Variants in RNF31 observed in about 807,000 individuals in gnomAD.
The protein encoded by RNF31 is ring finger protein 31, also known as E3 ubiquitin-protein ligase RNF31.
A neutral mutation model predicts 133.6 loss-of-function variants in RNF31; 38 were observed. The observed-to-expected ratio is 0.28, with a 90% CI of 0.22 to 0.37. The LOEUF is 0.37. Among genes scored for constraint, RNF31 ranks in the 10% least tolerant of loss-of-function variants. RNF31 has a pLI of 1.00. For synonymous variants in RNF31, 582 were observed against 552.3 expected (o/e 1.05, Z -0.75); for missense variants, 1,118 against 1,394.1 (o/e 0.80, Z 3.15).
intron 15 of RNF31, 51 bp downstream of exon 15, chr14:24,157,455 A>C: frequency 1.2e-6 from 2 of 1,602,916 alleles, no homozygotes; most frequent in Non-Finnish European, 1.7e-6. Context: ...CATTGCCAGC[A>C]GCTCTCTTCC....
intron 16 of RNF31, 56 bp from the exon 17 acceptor site, chr14:24,157,842 G>A: frequency 6.8e-7 from 1 of 1,460,156 alleles, no homozygotes; most frequent in Non-Finnish European, 9.6e-7. Context: ...GGGTTCCTGA[G>A]AGGCCAGGAC....
Position 24,151,571 on chromosome 14 carries a change from C to T in RNF31, c.1824C>T (p.Ala608=). 6.2e-7 allele frequency: 1 copy of T among 1,614,138 alleles called. No homozygotes were observed. The highest frequency in any genetic ancestry group is 2.2e-5 in the East Asian group (1 of 44,876). Residue 608 remains alanine, a synonymous_variant, in exon 10 of 21, where the codon GCC becomes GCT. Coordinates refer to ENST00000324103, the MANE Select transcript of RNF31 (RefSeq NM_017999.5). This position sits in a 1 kb window ranked among gnomAD's most constrained non-coding sequence, Gnocchi z 5.3. ...LFQHGGDVSR[A]LTELQRQRLE... ...AGCACGGAGGTGATGTGTCACGGGC[C>T]CTGACTGAGCTACAGCGCCAACGCC...
At chr14:24,154,622 A>G (rs2038315808) in intron 11 of RNF31, among the ~76,000 whole-genome samples, 1 of 152,190 alleles carries the variant, frequency 6.6e-6, no homozygotes, top group Non-Finnish European at 1.5e-5. Context: ...TATCAAGACC[A>G]AGAAATAAGA....
rs199946359 is a variant in RNF31, at chr14:24,150,300, C to G, written c.1049C>G (p.Ala350Gly). The G allele has an allele frequency of 5.0e-6, 8 of 1,614,092 alleles. No homozygotes were observed. The highest frequency in any genetic ancestry group is 1.1e-5 in the South Asian group (1 of 91,086). The change falls in exon 7 of 21, where the codon GCA becomes GGA. Residue 350 changes from alanine to glycine, a missense_variant. Physicochemically the swap from Ala to Gly is moderately conservative, Grantham distance 60. Around this residue, in one of 3 missense-constraint regions of RNF31, gnomAD observed 747 missense variants for 827.9 expected, o/e 0.90. Coordinates refer to ENST00000324103, the MANE Select transcript of RNF31 (RefSeq NM_017999.5). ...QGTGGLEPDL[A>G]RGRWACQSCT... Reference sequence around the variant, plus strand: ...ACTGGAGGCCTAGAACCTGATCTTGCACGGGGTCGGTGGGCCTGCCAGAGC... The same window carrying G: ...ACTGGAGGCCTAGAACCTGATCTTGGACGGGGTCGGTGGGCCTGCCAGAGC...
chr14:24,160,397 G>T lies in RNF31; in HGVS notation c.3155G>T (p.Arg1052Leu), dbSNP rs758763901. ...GAGGATCCCCCTGCTTACCAGGCCCGCTTGTTACAGGTATAGCCTCCACCC... is the reference window on the plus strand; with the variant it reads ...GAGGATCCCCCTGCTTACCAGGCCCTCTTGTTACAGGTATAGCCTCCACCC... ...AGEDPPAYQARLLQKLTEEVP... is the reference protein window; with the variant it reads ...AGEDPPAYQALLLQKLTEEVP... Residue 1052 changes from arginine to leucine, a missense_variant, in exon 20 of 21, where the codon CGC (arginine) becomes CTC (leucine). By Grantham distance (102) the Arg-to-Leu change is moderately radical (BLOSUM62 -2). Coordinates refer to ENST00000324103, the MANE Select transcript of RNF31 (RefSeq NM_017999.5). This position sits in a 1 kb window ranked among gnomAD's most constrained non-coding sequence, Gnocchi z 4.0. 6.2e-7 allele frequency: 1 copy of T among 1,613,876 alleles called. No individual in the cohort carries two copies. Among genetic ancestry groups the T allele is most frequent in the Non-Finnish European group, 8.5e-7 (1 of 1,179,938 alleles).
rs115800682 is a variant in RNF31 at position 24,149,925 on chromosome 14, A to G, written c.810-136A>G. The G allele has an allele frequency of 1.6e-3, 1,631 of 1,043,616 alleles. 14 individuals carry two copies. The African/African-American group carries it at 0.023, about 15-fold the overall frequency. 64.6% of individuals were successfully genotyped at this position (1,043,616 alleles called of 1,614,324 possible). ...TAAATGTTGCATAAGCTATGGGTATAGGAGTATTCGAGACAGACAATGTGT... is the reference window on the plus strand; with the variant it reads ...TAAATGTTGCATAAGCTATGGGTATGGGAGTATTCGAGACAGACAATGTGT... On this transcript the variant is annotated intron_variant, in intron 6 of 20. Transcript: ENST00000324103.
rs72658754 is a variant in RNF31, at chr14:24,159,240, G to A, written c.2900-624G>A. Among the ~76,000 whole-genome samples the A allele has an allele frequency of 8.8e-3, 1,331 of 151,336 alleles. 21 individuals are homozygous for A. Among genetic ancestry groups the A allele is most frequent in the African/African-American group, 0.031 (1,273 of 41,130 alleles). On this transcript the variant is annotated intron_variant, in intron 18 of 20. Transcript: ENST00000324103. ...CAGGCACCTGTAATCCCACCTACTC[G>A]GGTGGCTGAGGCAGGAGAATCACTT...
Position 24,155,388 on chromosome 14 carries a change from C to T in RNF31, c.2305-26C>T, listed in dbSNP as rs1594380685. On this transcript the variant is annotated intron_variant, in intron 12 of 20. Transcript: ENST00000324103. The surrounding 1 kb of genome is among the most constrained non-coding windows in gnomAD (Gnocchi z 4.9). ...GAGCTTTGAACAGGGACCCTCCCACCCACCACCTCTGCATCCTGTCCCCAG... is the reference window on the plus strand; with the variant it reads ...GAGCTTTGAACAGGGACCCTCCCACTCACCACCTCTGCATCCTGTCCCCAG... 1.2e-6 allele frequency: 2 copies of T among 1,614,082 alleles called. No individual in the cohort carries two copies. Among genetic ancestry groups the T allele is most frequent in the Non-Finnish European group, 8.5e-7 (1 of 1,179,934 alleles).
chr14:24,150,018 C>T (rs1375410599), intron 6 of RNF31, 43 bp from the exon 7 acceptor site: 1 of 1,518,050 alleles, frequency 6.6e-7, no homozygotes, highest in Non-Finnish European at 8.8e-7. Context: ...GATCCAGGCA[C>T]CAGGTGCCAC....
At position 24,150,068 on chromosome 14, in the gene RNF31, G is replaced by A. The variant is rs1344142009; in HGVS notation, c.817G>A (p.Ala273Thr). The A allele has an allele frequency of 1.3e-6, 2 of 1,573,158 alleles. 1 individual carries two copies. Among genetic ancestry groups the A allele is most frequent in the African/African-American group, 2.7e-5 (2 of 74,368 alleles). ...QGTHLSPSLP[A>T]SAQPRPQSTS... ...TCTGCTTTTCCATTACAGTTTACCT[G>A]CCTCAGCCCAACCACGGCCCCAGTC... Residue 273 changes from alanine to threonine, a missense_variant, in exon 7 of 21, where the codon GCC becomes ACC. This residue lies in a region of RNF31 where 747 missense variants were observed against 827.9 expected (regional missense o/e 0.90). Coordinates refer to ENST00000324103, the MANE Select transcript of RNF31 (RefSeq NM_017999.5).
Position 24,158,194 on chromosome 14 carries a change from C to T in RNF31, c.2894C>T (p.Pro965Leu). Residue 965 changes from proline (P) to leucine (L), a missense_variant, in exon 18 of 21, where the codon CCT (proline) becomes CTT (leucine). Around this residue, in one of 3 missense-constraint regions of RNF31, gnomAD observed 170 missense variants for 194.5 expected, o/e 0.87. Coordinates refer to ENST00000324103, the MANE Select transcript of RNF31 (RefSeq NM_017999.5). Reference sequence around the variant, plus strand: ...CCTCCAGCTGGGGCCCGGGCAGTCCCTGGAGGTGAGTGTTAGGACAAGCCT... The same window carrying T: ...CCTCCAGCTGGGGCCCGGGCAGTCCTTGGAGGTGAGTGTTAGGACAAGCCT... Reference protein sequence around the residue: ...TEPPAGARAVPGGGCRVIEQK... With the variant: ...TEPPAGARAVLGGGCRVIEQK... 1 of 1,614,160 alleles carries T rather than the reference C, an allele frequency of 6.2e-7. No individual in the cohort carries two copies. Among genetic ancestry groups the T allele is most frequent in the Non-Finnish European group, 8.5e-7 (1 of 1,179,978 alleles).
Position 24,148,079 on chromosome 14 carries a change from A to T in RNF31, c.296A>T (p.Lys99Met). ...CGGCCTCGGTACTGGCGTGGTGTCA[A>T]GTTTAATAACCCTGTCTTTCGCAGC... is the stretch of plus-strand genomic sequence containing the variant. ...PQRPRYWRGVKFNNPVFRSTV... is the reference protein window; with the variant it reads ...PQRPRYWRGVMFNNPVFRSTV... The change falls in exon 2 of 21, where the codon AAG becomes ATG. Residue 99 changes from lysine (K) to methionine (M), a missense_variant. By Grantham distance (95) the Lys-to-Met change is moderately conservative. Coordinates refer to ENST00000324103, the MANE Select transcript of RNF31 (RefSeq NM_017999.5). The T allele has an allele frequency of 6.2e-7, 1 of 1,614,196 alleles. No homozygotes were observed. The highest frequency in any genetic ancestry group is 1.1e-5 in the South Asian group (1 of 91,086).
chr14:24,159,032 C>CA lies in RNF31; in HGVS notation c.2900-805dup, dbSNP rs529900287. On this transcript the variant is annotated intron_variant, in intron 18 of 20. Transcript: ENST00000324103. ...TGGGCAACAGAGCGAGACTTCGTCT[C>CA]AAAAAAAAAAAAAAAAAAAAAAAAA... is the stretch of plus-strand genomic sequence containing the variant. Among the ~76,000 whole-genome samples, 291 of 54,350 alleles carry CA rather than the reference C, an allele frequency of 5.4e-3. 5 individuals carry two copies. Among genetic ancestry groups the CA allele is most frequent in the Non-Finnish European group, 6.5e-3 (195 of 29,844 alleles). The allele number at this position is 54,350 out of a possible 152,430, so 35.7% of individuals were successfully genotyped here.
Position 24,147,908 on chromosome 14 carries a change from T to C in RNF31, c.192+18T>C. 6.2e-7 allele frequency: 1 copy of C among 1,612,452 alleles called. No homozygotes were observed. The highest frequency in any genetic ancestry group is 8.5e-7 in the Non-Finnish European group (1 of 1,179,318). The stretch of plus-strand genomic sequence containing the variant: ...ATGGGGAGGTGAGGCCCGGCCCCGC[T>C]TGGAAGGGGGACACCAGGGCCTGAG... On this transcript the variant is annotated intron_variant, in intron 1 of 20. Transcript: ENST00000324103.
rs768869658 is a variant in RNF31 at position 24,160,218 on chromosome 14, TCTG to T, written c.2997-18_2997-16del. 7.5e-6 allele frequency: 12 copies of T among 1,602,714 alleles called. No homozygotes were observed. Among genetic ancestry groups the T allele is most frequent in the African/African-American group, 1.3e-5 (1 of 74,784 alleles). On this transcript the variant is annotated intron_variant, in intron 19 of 20. Coordinates refer to ENST00000324103, the MANE Select transcript of RNF31 (RefSeq NM_017999.5). This position sits in a 1 kb window ranked among gnomAD's most constrained non-coding sequence, Gnocchi z 4.0. ...TAATATTAGCCAACACAACAAATAT[TCTG>T]CTCCCTTTTCTCCCCAGGGCACACT...
chr14:24,155,266 G>T lies in RNF31; in HGVS notation c.2240G>T (p.Cys747Phe). 6.2e-7 allele frequency: 1 copy of T among 1,614,074 alleles called. No homozygotes were observed. ...KHITDMVCPA[C>F]GRPDLTDDTQ... ...ATCACAGACATGGTGTGCCCTGCCT[G>T]TGGCCGCCCCGACCTCACCGATGAC... Residue 747 changes from cysteine (C) to phenylalanine (F), a missense_variant, in exon 12 of 21, where the codon TGT becomes TTT. Around this residue, in one of 3 missense-constraint regions of RNF31, gnomAD observed 201 missense variants for 371.7 expected, o/e 0.54. Coordinates refer to ENST00000324103, the MANE Select transcript of RNF31 (RefSeq NM_017999.5). The surrounding 1 kb of genome is among the most constrained non-coding windows in gnomAD (Gnocchi z 4.9).
At chr14:24,158,050 G>C in intron 17 of RNF31, 39 bp downstream of exon 17, 1 of 1,610,670 alleles carries the variant, frequency 6.2e-7, no homozygotes, top group Non-Finnish European at 8.5e-7. Context: ...AGGGCCCAGG[G>C]TGGGCAAGAA....
In RNF31 at chr14:24,160,012, G is replaced by A; in HGVS notation, c.2996+52G>A. The A allele has an allele frequency of 1.3e-6, 2 of 1,551,830 alleles. No homozygotes were observed. The highest frequency in any genetic ancestry group is 1.8e-6 in the Non-Finnish European group (2 of 1,130,504). ...GTGTTGGGCAGTGGGTAGAAGTGGT[G>A]AGGGCATGCCCAGGCAGTAAAATGG... On this transcript the variant is annotated intron_variant, in intron 19 of 20. Coordinates refer to ENST00000324103, the MANE Select transcript of RNF31 (RefSeq NM_017999.5). The surrounding 1 kb of genome is among the most constrained non-coding windows in gnomAD (Gnocchi z 4.0).
At chr14:24,157,478 G>A (rs776633494) in intron 15 of RNF31, 42 bp from the exon 16 acceptor site, 6 of 1,606,486 alleles carry the variant, frequency 3.7e-6, no homozygotes, top group African/African-American at 1.3e-5. Flanking sequence ...AGGGCCTTGA[G>A]TTGCAGCGGC....
Sources: gnomAD v4.1 joint callset for allele counts (sites outside exome capture counted in the v4.1 genomes callset) on GRCh38, gnomAD v4.1.1 for gene constraint, gnomAD v4.1.1 regional missense constraint, Gnocchi (gnomAD v3.1) non-coding constraint, MANE v1.5 for transcripts, NCBI Gene and HGNC (gene_info 2026-07-23, HGNC 2026-07-21) for gene names.